The following SEMA5A variants were observed in gnomAD, a reference collection of about 807,000 sequenced individuals.
SEMA5A encodes the protein semaphorin-5A.
Under a neutral mutation model 135.5 loss-of-function variants are expected in SEMA5A, and 55 were observed. The observed-to-expected ratio is 0.41, with a 90% CI of 0.33 to 0.51. The LOEUF (loss-of-function observed/expected upper bound fraction) is 0.51, where lower values mean the gene tolerates loss of function less well. Among genes scored for constraint, SEMA5A ranks in the 20% least tolerant of loss-of-function variants. The pLI is 0.37. For synonymous variants in SEMA5A, 580 were observed against 546.5 expected (o/e 1.06, Z -0.85); for missense variants, 1,290 against 1,419.9 (o/e 0.91, Z 1.47).
intron 11 of SEMA5A, among the ~76,000 whole-genome samples, chr5:9,182,701 T>C (rs941833127): frequency 6.6e-6 from 1 of 151,266 alleles, no homozygotes; most frequent in Non-Finnish European, 1.5e-5. Flanking sequence ...TCAGTTACAA[T>C]GCAATGACAT....
intron 1 of SEMA5A, among the ~76,000 whole-genome samples, chr5:9,465,122 T>G (rs563024452): frequency 7.2e-4 from 109 of 152,334 alleles, no homozygotes; most frequent in Non-Finnish European, 8.2e-4. Context: ...GTCAAAATGC[T>G]GGGCCCCAGG....
Position 9,393,374 on chromosome 5 carries a change from C to T in SEMA5A, c.-77-13351G>A, listed in dbSNP as rs1756249572. Among the ~76,000 whole-genome samples, 7 of 152,138 alleles carry T rather than the reference C, an allele frequency of 4.6e-5. No homozygotes were observed. The South Asian group carries it at 6.2e-4, about 14-fold the overall frequency. The stretch of plus-strand genomic sequence containing the variant: ...AGTCCAAAAGAGTGAGAACCATCTA[C>T]GGTGTTCCTCAGCCTACAAAGTACC... On this transcript the variant is annotated intron_variant, in intron 2 of 22. Transcript: ENST00000382496.
At chr5:9,268,930 T>G (rs1037736851) in intron 5 of SEMA5A, among the ~76,000 whole-genome samples, 7 of 152,144 alleles carry the variant, frequency 4.6e-5, no homozygotes, top group African/African-American at 1.7e-4. Context: ...GTTTTAGAAA[T>G]GATGACAATT....
At chr5:9,340,244 C>T (rs1221554717) in intron 3 of SEMA5A, among the ~76,000 whole-genome samples, 1 of 152,158 alleles carries the variant, frequency 6.6e-6, no homozygotes, top group South Asian at 2.1e-4. Flanking sequence ...CTGCCAGGAC[C>T]AGGCTCCAGA....
intron 1 of SEMA5A, among the ~76,000 whole-genome samples, chr5:9,509,073 T>A (rs959801724): frequency 6.6e-6 from 1 of 151,954 alleles, no homozygotes; most frequent in African/African-American, 2.4e-5. Flanking sequence ...GCAGAGGGTA[T>A]GGGTGGGTAC....
At chr5:9,223,680 G>T (rs563236778) in intron 8 of SEMA5A, among the ~76,000 whole-genome samples, 3 of 152,262 alleles carry the variant, frequency 2.0e-5, no homozygotes, top group Admixed American at 2.0e-4. Context: ...TTTCACTTTT[G>T]TACAAACTAT....
chr5:9,057,978 AAATAGCCTTCATCAC>A (rs1156586061), intron 18 of SEMA5A, among the ~76,000 whole-genome samples: 2 of 152,186 alleles, frequency 1.3e-5, no homozygotes, highest in African/African-American at 4.8e-5. Context: ...GATCTTAATG[AAATAGCCTTCATCAC>A]AAGGGAGCCT....
At chr5:9,509,673 C>T (rs987199493) in intron 1 of SEMA5A, among the ~76,000 whole-genome samples, 2 of 152,174 alleles carry the variant, frequency 1.3e-5, no homozygotes, top group Non-Finnish European at 2.9e-5. Flanking sequence ...CAAAGTTTAT[C>T]ATTGTAATAC....
At chr5:9,303,876 G>T (rs1272355669) in intron 5 of SEMA5A, among the ~76,000 whole-genome samples, 1 of 152,090 alleles carries the variant, frequency 6.6e-6, no homozygotes, top group Non-Finnish European at 1.5e-5. Flanking sequence ...ATTTGAGCTT[G>T]CTTTTAGCAT....
intron 1 of SEMA5A, among the ~76,000 whole-genome samples, chr5:9,470,450 G>A (rs760182611): frequency 1.2e-4 from 18 of 152,176 alleles, no homozygotes; most frequent in Non-Finnish European, 2.2e-4. Flanking sequence ...TCCAGCTCAT[G>A]TGAGAAGTGA....
chr5:9,530,332 T>G (rs1387819211), intron 1 of SEMA5A, among the ~76,000 whole-genome samples: 1 of 152,246 alleles, frequency 6.6e-6, no homozygotes, highest in Non-Finnish European at 1.5e-5. Context: ...CATTTTTATA[T>G]GTAGTCTTTT....
intron 5 of SEMA5A, among the ~76,000 whole-genome samples, chr5:9,301,384 C>T (rs3777312): frequency 0.14 from 21,226 of 152,152 alleles, 1,577 homozygotes; most frequent in South Asian, 0.19. Context: ...GGAGTAAAAT[C>T]GTATTACGCA....
intron 13 of SEMA5A, among the ~76,000 whole-genome samples, chr5:9,136,087 T>C (rs1349699240): frequency 3.3e-5 from 5 of 152,164 alleles, no homozygotes; most frequent in Non-Finnish European, 5.9e-5. Flanking sequence ...TATCCTTTAG[T>C]TTATTCTTTT....
At chr5:9,195,558 A>G (rs967349841) in intron 10 of SEMA5A, among the ~76,000 whole-genome samples, 1 of 152,204 alleles carries the variant, frequency 6.6e-6, no homozygotes, top group Admixed American at 6.5e-5. Flanking sequence ...AACTATTTGC[A>G]TGCATTTTTA....
chr5:9,112,432 C>T (rs1273115854), intron 15 of SEMA5A, among the ~76,000 whole-genome samples: 1 of 152,196 alleles, frequency 6.6e-6, no homozygotes, highest in African/African-American at 2.4e-5. Flanking sequence ...ATCAGGGCCT[C>T]TTCTGAACTA....
intron 5 of SEMA5A, among the ~76,000 whole-genome samples, chr5:9,283,455 C>T (rs368019608): frequency 3.9e-5 from 6 of 152,312 alleles, no homozygotes; most frequent in African/African-American, 1.4e-4. Flanking sequence ...AACAGAAGGG[C>T]ACCTGCTGTG....
At chr5:9,217,516 C>A (rs1746696518) in intron 8 of SEMA5A, among the ~76,000 whole-genome samples, 1 of 152,134 alleles carries the variant, frequency 6.6e-6, no homozygotes, top group South Asian at 2.1e-4. Flanking sequence ...CTCTGTATTT[C>A]CTAAATTTGA....
rs560301599 is a variant in SEMA5A, at chr5:9,505,782, G to A, written c.-175+39802C>T. On this transcript the variant is annotated intron_variant, in intron 1 of 22. Coordinates refer to ENST00000382496, the MANE Select transcript of SEMA5A (RefSeq NM_003966.3). ...TTTCTAACTGCTGCTAGGAGGTATC[G>A]TGCAGGGTTATGGATAAGTACCATG... 1.2e-4 allele frequency among the ~76,000 whole-genome samples: 18 copies of A among 152,338 alleles called. No individual in the cohort carries two copies. The South Asian group carries it at 3.5e-3, about 30-fold the overall frequency.
At chr5:9,319,410 G>A (rs1280311484) in intron 4 of SEMA5A, among the ~76,000 whole-genome samples, 1 of 152,080 alleles carries the variant, frequency 6.6e-6, no homozygotes, top group Non-Finnish European at 1.5e-5. Context: ...CAAAGAAGGG[G>A]AAGAATAGTG....
Sources: allele counts gnomAD v4.1 joint callset (sites outside exome capture counted in the v4.1 genomes callset), GRCh38; gene constraint gnomAD v4.1.1; transcripts MANE v1.5; gene names NCBI Gene and HGNC (gene_info 2026-07-23, HGNC 2026-07-21).